The following SCN1A variants were observed in gnomAD, a reference collection of about 807,000 sequenced individuals.
SCN1A encodes sodium channel protein type 1 subunit alpha.
Under a neutral mutation model 193.7 loss-of-function variants are expected in SCN1A, and 13 were observed. The observed-to-expected ratio is 0.07, with a 90% CI of 0.04 to 0.11. SCN1A has a LOEUF of 0.11. SCN1A is among the 10% of genes least tolerant of loss of function. The pLI is 1.00. For missense variants in SCN1A, 1,432 were observed against 2,451.1 expected (o/e 0.58, Z 8.78); for synonymous variants, 781 against 843.6 (o/e 0.93, Z 1.29).
chr2:166,087,060 A>G (rs1686210244), intron 2 of SCN1A, among the ~76,000 whole-genome samples: 1 of 151,814 alleles, frequency 6.6e-6, no homozygotes, highest in Non-Finnish European at 1.5e-5. Context: ...GTGGGGCCTA[A>G]TGGGAAGTGT....
intron 11 of SCN1A, 81 bp downstream of exon 11, chr2:166,047,543 TATC>T: frequency 6.8e-7 from 1 of 1,471,956 alleles, no homozygotes; most frequent in South Asian, 1.1e-5. Flanking sequence ...TCTACTATAT[TATC>T]ATCCGGTTTT....
At chr2:166,046,110 CT>C (rs1697796040) in intron 12 of SCN1A, among the ~76,000 whole-genome samples, 1 of 152,164 alleles carries the variant, frequency 6.6e-6, no homozygotes, top group Admixed American at 6.6e-5. Context: ...TCTGAAACAA[CT>C]TTCTTCTTTA....
chr2:166,056,624 A>C (rs1189114940), intron 5 of SCN1A, 124 bp from the exon 6 acceptor site: 1 of 708,118 alleles, frequency 1.4e-6, no homozygotes, highest in African/African-American at 1.8e-5. Context: ...CATTGTGGGC[A>C]AGTCTTCTAA....
chr2:166,034,146 A>G (rs1441830378), intron 19 of SCN1A, among the ~76,000 whole-genome samples: 1 of 152,146 alleles, frequency 6.6e-6, no homozygotes, highest in East Asian at 1.9e-4. Flanking sequence ...TTCCATAGAC[A>G]TGGAAATGTG....
At chr2:166,073,894 G>A (rs1317183670) in intron 3 of SCN1A, among the ~76,000 whole-genome samples, 1 of 152,154 alleles carries the variant, frequency 6.6e-6, no homozygotes, top group East Asian at 1.9e-4. Context: ...CAGGAACTGT[G>A]CCATGAGTTT....
At chr2:166,023,556 C>T (rs1694344707) in intron 19 of SCN1A, among the ~76,000 whole-genome samples, 1 of 152,092 alleles carries the variant, frequency 6.6e-6, no homozygotes, top group Non-Finnish European at 1.5e-5. Flanking sequence ...TTTGGACAGT[C>T]TTAAATCCAA....
At chr2:166,052,420 T>A (rs967031083) in intron 8 of SCN1A, among the ~76,000 whole-genome samples, 1 of 151,992 alleles carries the variant, frequency 6.6e-6, no homozygotes, top group Non-Finnish European at 1.5e-5. Context: ...TGCAGTATAA[T>A]TGTGCCTTAA....
At chr2:166,105,565 T>C in intron 2 of SCN1A, among the ~76,000 whole-genome samples, 1 of 152,288 alleles carries the variant, frequency 6.6e-6, no homozygotes, top group East Asian at 1.9e-4. Flanking sequence ...CCAAAAACAA[T>C]TAATCCTTAG....
intron 2 of SCN1A, among the ~76,000 whole-genome samples, chr2:166,123,799 C>A (rs955359901): frequency 6.6e-5 from 10 of 152,058 alleles, no homozygotes; most frequent in Admixed American, 2.6e-4. Flanking sequence ...AAGTCGGGGG[C>A]AGTTAGAGCC....
chr2:166,031,869 C>G (rs1695605622), intron 19 of SCN1A, among the ~76,000 whole-genome samples: 1 of 152,118 alleles, frequency 6.6e-6, no homozygotes, highest in Admixed American at 6.6e-5. Flanking sequence ...TAAAGTCACA[C>G]AGTAAGCGGC....
At chr2:166,025,791 T>C (rs1008790888) in intron 19 of SCN1A, among the ~76,000 whole-genome samples, 2 of 152,206 alleles carry the variant, frequency 1.3e-5, no homozygotes, top group Non-Finnish European at 2.9e-5. Flanking sequence ...CCTTTTCTAA[T>C]TTCTCAAAGA....
chr2:166,037,533 G>A (rs915068451), intron 18 of SCN1A, among the ~76,000 whole-genome samples: 1 of 152,142 alleles, frequency 6.6e-6, no homozygotes, highest in Non-Finnish European at 1.5e-5. Flanking sequence ...TATAAAAAAT[G>A]CAGGGGCACT....
In SCN1A at chr2:165,986,250, G is replaced by T. The variant is rs566486360; in HGVS notation, c.*4995C>A. ...ATGTTCAGCTTTATAAATATTTATG[G>T]CATTATTCTTAATTTTCTGGCTTAA... is the stretch of plus-strand genomic sequence containing the variant. On this transcript the variant is annotated 3_prime_UTR_variant, in exon 29 of 29. Coordinates refer to ENST00000674923, the MANE Select transcript of SCN1A (RefSeq NM_001165963.4). 6.6e-6 allele frequency: 1 copy of T among 151,948 alleles called. No individual in the cohort carries two copies. The highest frequency in any genetic ancestry group is 6.6e-5 in the Admixed American group (1 of 15,244). 9.4% of individuals were successfully genotyped at this position (151,948 alleles called of 1,614,324 possible). A position where few individuals can be genotyped will look rare whatever the true frequency, so the allele number is the denominator to read the frequency against.
At chr2:166,020,813 C>G (rs564441293) in intron 19 of SCN1A, among the ~76,000 whole-genome samples, 45 of 151,914 alleles carry the variant, frequency 3.0e-4, no homozygotes, top group Non-Finnish European at 5.4e-4. Flanking sequence ...AGATATTTGT[C>G]CTCTGGGGGA....
At chr2:166,109,833 T>C (rs959048984) in intron 2 of SCN1A, among the ~76,000 whole-genome samples, 1 of 152,062 alleles carries the variant, frequency 6.6e-6, no homozygotes, top group East Asian at 1.9e-4. Flanking sequence ...ACAAGAATAT[T>C]GAAATTATTC....
At chr2:166,139,397 T>C (rs1691993089) in intron 1 of SCN1A, among the ~76,000 whole-genome samples, 1 of 152,152 alleles carries the variant, frequency 6.6e-6, no homozygotes, top group African/African-American at 2.4e-5. Flanking sequence ...GGGTTTTTCC[T>C]GTGCTGTTCT....
chr2:166,139,253 G>A (rs542516187), intron 1 of SCN1A, among the ~76,000 whole-genome samples: 1 of 152,292 alleles, frequency 6.6e-6, no homozygotes, highest in Admixed American at 6.5e-5. Context: ...GAGGACATGA[G>A]ATTTGGGAGG....
chr2:166,147,705 C>A (rs1426885904), intron 1 of SCN1A, among the ~76,000 whole-genome samples: 1 of 152,010 alleles, frequency 6.6e-6, no homozygotes, highest in Non-Finnish European at 1.5e-5. Flanking sequence ...CCCCGAGGGA[C>A]CATAATTGTC....
intron 1 of SCN1A, among the ~76,000 whole-genome samples, chr2:166,144,974 T>A (rs6414071): frequency 6.6e-6 from 1 of 151,110 alleles, no homozygotes; most frequent in Admixed American, 6.6e-5. Context: ...GCCTCTGCCT[T>A]CTGAGTAGCG....
Sources: gnomAD v4.1 joint callset for allele counts (sites outside exome capture counted in the v4.1 genomes callset) on GRCh38, gnomAD v4.1.1 for gene constraint, MANE v1.5 for transcripts, NCBI Gene and HGNC (gene_info 2026-07-23, HGNC 2026-07-21) for gene names.